Variants in RANBP2 observed in about 807,000 individuals in gnomAD.
RANBP2 encodes the protein E3 SUMO-protein ligase RanBP2.
In RANBP2, 57 loss-of-function variants were observed where a neutral mutation model predicts 303.6. The ratio of observed to expected loss-of-function variants is 0.19; its 90% CI spans 0.15 to 0.23. RANBP2 has a LOEUF of 0.23. Among genes scored for constraint, RANBP2 ranks in the 10% least tolerant of loss-of-function variants. RANBP2 has a pLI of 1.00. For synonymous variants in RANBP2, 1,167 were observed against 1,301.5 expected, an observed-to-expected ratio of 0.90 and a Z score of 2.23; for missense variants, 3,138 against 3,780.8, an observed-to-expected ratio of 0.83 and a Z score of 4.46.
At chr2:109,218,290 G>T in the RANBP2 span, among the ~76,000 whole-genome samples, 6 of 152,084 alleles carry the variant, frequency 3.9e-5, no homozygotes, top group Non-Finnish European at 8.8e-5. Context: ...TGGCTCTCTT[G>T]CCCCCGTTTT....
the RANBP2 span, among the ~76,000 whole-genome samples, chr2:108,959,634 C>T: frequency 2.0e-5 from 3 of 152,264 alleles, no homozygotes; most frequent in South Asian, 2.1e-4. Flanking sequence ...AGGCCAGTGC[C>T]GGCTGTGGCA....
the RANBP2 span, among the ~76,000 whole-genome samples, chr2:109,016,414 T>C: frequency 6.6e-6 from 1 of 152,068 alleles, no homozygotes; most frequent in Non-Finnish European, 1.5e-5. Context: ...TTACCAACCT[T>C]CCCCCTTTCC....
the RANBP2 span, among the ~76,000 whole-genome samples, chr2:109,006,677 G>A: frequency 6.6e-6 from 1 of 152,168 alleles, no homozygotes; most frequent in Non-Finnish European, 1.5e-5. Context: ...AGTCCACAGA[G>A]CTTTTGGTGG....
At chr2:109,714,027 C>G in the RANBP2 span, among the ~76,000 whole-genome samples, 1 of 152,220 alleles carries the variant, frequency 6.6e-6, no homozygotes. Flanking sequence ...GGACTGCCCC[C>G]ACTTCAGACG....
chr2:109,345,058 T>C, the RANBP2 span, among the ~76,000 whole-genome samples: 5 of 152,140 alleles, frequency 3.3e-5, no homozygotes, highest in Non-Finnish European at 7.4e-5. Flanking sequence ...GGAGAATTCA[T>C]GAAAGACAGA....
the RANBP2 span, chr2:108,798,581 A>G: frequency 1.2e-5 from 19 of 1,604,542 alleles, no homozygotes; most frequent in African/African-American, 2.4e-4. Context: ...TCAAATTATA[A>G]AAGAGGTAAC....
chr2:108,954,495 C>G, the RANBP2 span, among the ~76,000 whole-genome samples: 2 of 152,130 alleles, frequency 1.3e-5, no homozygotes, highest in Non-Finnish European at 2.9e-5. Context: ...AAAAGGCTCC[C>G]CACCCACTCT....
At chr2:109,349,047 C>T in the RANBP2 span, among the ~76,000 whole-genome samples, 2 of 152,150 alleles carry the variant, frequency 1.3e-5, no homozygotes, top group African/African-American at 2.4e-5. Flanking sequence ...CACACACACA[C>T]GCACAGAGTT....
chr2:108,971,177 G>A, the RANBP2 span, among the ~76,000 whole-genome samples: 2 of 152,088 alleles, frequency 1.3e-5, no homozygotes, highest in Admixed American at 6.5e-5. Context: ...CATGTTTTCC[G>A]TCTCCAACTG....
chr2:108,939,476 A>G, the RANBP2 span, among the ~76,000 whole-genome samples: 4 of 152,216 alleles, frequency 2.6e-5, no homozygotes, highest in Non-Finnish European at 5.9e-5. Flanking sequence ...ACAGATTACC[A>G]GGTGGGGAGG....
chr2:109,443,551 A>C, the RANBP2 span, among the ~76,000 whole-genome samples: 1 of 152,262 alleles, frequency 6.6e-6, no homozygotes, highest in African/African-American at 2.4e-5. Flanking sequence ...AGAATCTGCC[A>C]ATAATGAGAA....
chr2:109,633,847 C>T, the RANBP2 span, among the ~76,000 whole-genome samples: 1 of 151,354 alleles, frequency 6.6e-6, no homozygotes, highest in African/African-American at 2.4e-5. Context: ...GTCAGCCTGG[C>T]GCAATGGCTC....
At chr2:108,772,629 A>G (rs1290334503) in intron 22 of RANBP2, 48 bp downstream of exon 22, 6 of 1,522,490 alleles carry the variant, frequency 3.9e-6, no homozygotes, top group Non-Finnish European at 4.5e-6. Context: ...CAAGTCTTCT[A>G]TTTAGAAGGA....
At chr2:109,315,963 C>A in the RANBP2 span, among the ~76,000 whole-genome samples, 1 of 152,256 alleles carries the variant, frequency 6.6e-6, no homozygotes, top group South Asian at 2.1e-4. Flanking sequence ...GATGCATTAG[C>A]AGAAGTCTTT....
chr2:109,551,155 T>C, the RANBP2 span, among the ~76,000 whole-genome samples: 1 of 152,230 alleles, frequency 6.6e-6, no homozygotes, highest in Non-Finnish European at 1.5e-5. Context: ...ATTTGTTCTG[T>C]GCATCTCCCC....
At chr2:109,319,204 A>G in the RANBP2 span, among the ~76,000 whole-genome samples, 4 of 152,202 alleles carry the variant, frequency 2.6e-5, no homozygotes, top group Admixed American at 2.6e-4. Flanking sequence ...TATGCCAGAT[A>G]GTGACAGTGG....
At chr2:109,471,232 GAAATT>G in the RANBP2 span, among the ~76,000 whole-genome samples, 57 of 116,460 alleles carry the variant, frequency 4.9e-4, no homozygotes, top group Non-Finnish European at 7.2e-4. Flanking sequence ...AAAAAAAAAA[GAAATT>G]AATACCTGAG....
At chr2:109,070,953 C>T in the RANBP2 span, among the ~76,000 whole-genome samples, 1 of 152,092 alleles carries the variant, frequency 6.6e-6, no homozygotes, top group Admixed American at 6.5e-5. Flanking sequence ...CTTCATCTTC[C>T]ACCATTATTG....
the RANBP2 span, among the ~76,000 whole-genome samples, chr2:109,654,207 AC>A: frequency 6.6e-6 from 1 of 151,702 alleles, no homozygotes; most frequent in Non-Finnish European, 1.5e-5. Flanking sequence ...AGGTCCCACT[AC>A]CCCCACTAAC....
Sources: gnomAD v4.1 joint callset for allele counts (sites outside exome capture counted in the v4.1 genomes callset) on GRCh38, gnomAD v4.1.1 for gene constraint, MANE v1.5 for transcripts, NCBI Gene and HGNC (gene_info 2026-07-23, HGNC 2026-07-21) for gene names.